FER1L6: variants seen among roughly 807,000 people sequenced by gnomAD.
The protein encoded by FER1L6 is fer-1-like protein 6.
In FER1L6, 177 loss-of-function variants were observed where a neutral mutation model predicts 219.2. The observed-to-expected ratio is 0.81, with a 90% CI of 0.71 to 0.91. The LOEUF is 0.91. FER1L6 is among the 40% of genes least tolerant of loss of function. FER1L6 has a pLI of 0.00. For synonymous variants in FER1L6, 768 were observed against 824.3 expected, an observed-to-expected ratio of 0.93 and a Z score of 1.17; for missense variants, 2,153 against 2,259.9, an observed-to-expected ratio of 0.95 and a Z score of 0.96.
At chr8:124,030,445 T>A (rs1382856118) in intron 18 of FER1L6, among the ~76,000 whole-genome samples, 1 of 152,144 alleles carries the variant, frequency 6.6e-6, no homozygotes, top group Non-Finnish European at 1.5e-5. Context: ...AAGTTTACGA[T>A]CCTCTCCTTT....
At chr8:123,856,374 T>A (rs2130242278) in intron 1 of FER1L6, among the ~76,000 whole-genome samples, 1 of 136,350 alleles carries the variant, frequency 7.3e-6, no homozygotes, top group East Asian at 2.1e-4. Flanking sequence ...CATACTAACA[T>A]ATAGAACACA....
chr8:123,936,133 TGTCCCC>T (rs1813989589), intron 1 of FER1L6, among the ~76,000 whole-genome samples: 1 of 152,136 alleles, frequency 6.6e-6, no homozygotes, highest in Admixed American at 6.6e-5. Context: ...GTCAGATGCA[TGTCCCC>T]TGGGATCTGA....
At chr8:123,889,341 A>G (rs768666537) in intron 1 of FER1L6, among the ~76,000 whole-genome samples, 6 of 152,210 alleles carry the variant, frequency 3.9e-5, no homozygotes, top group Non-Finnish European at 7.4e-5. Context: ...ATAAATGAGT[A>G]AGTGCACTAG....
At chr8:124,049,152 A>G (rs1486339910) in intron 21 of FER1L6, among the ~76,000 whole-genome samples, 1 of 151,438 alleles carries the variant, frequency 6.6e-6, no homozygotes, top group Non-Finnish European at 1.5e-5. Context: ...GGTTTAAGTG[A>G]TTCTCCTGCC....
intron 1 of FER1L6, among the ~76,000 whole-genome samples, chr8:123,915,414 G>T (rs1813155281): frequency 6.6e-6 from 1 of 152,016 alleles, no homozygotes; most frequent in Non-Finnish European, 1.5e-5. Context: ...GACTCCACTG[G>T]TCTCTTTTCA....
At chr8:123,906,832 C>T (rs1812962784) in intron 1 of FER1L6, among the ~76,000 whole-genome samples, 1 of 151,554 alleles carries the variant, frequency 6.6e-6, no homozygotes, top group African/African-American at 2.4e-5. Flanking sequence ...AAAGATTGCT[C>T]ACACATCTGA....
intron 1 of FER1L6, among the ~76,000 whole-genome samples, chr8:123,869,896 A>G (rs995462650): frequency 6.6e-6 from 1 of 152,230 alleles, no homozygotes; most frequent in Middle Eastern, 3.2e-3. Flanking sequence ...ACAAATACAC[A>G]GAAAGAGTCA....
chr8:123,859,452 C>T (rs1816705869), intron 1 of FER1L6, among the ~76,000 whole-genome samples: 1 of 152,086 alleles, frequency 6.6e-6, no homozygotes, highest in Non-Finnish European at 1.5e-5. Flanking sequence ...TCCAGTCTAA[C>T]TGAAACTTTC....
At chr8:124,023,209 C>T (rs772498696) in intron 17 of FER1L6, among the ~76,000 whole-genome samples, 2 of 152,202 alleles carry the variant, frequency 1.3e-5, no homozygotes, top group Non-Finnish European at 2.9e-5. Flanking sequence ...GCCACTGCCG[C>T]CCAGCTGTAT....
At chr8:123,867,288 C>T (rs1197750917) in intron 1 of FER1L6, among the ~76,000 whole-genome samples, 1 of 152,216 alleles carries the variant, frequency 6.6e-6, no homozygotes, top group Non-Finnish European at 1.5e-5. Context: ...TTATCACTGG[C>T]ATTCCCTGGC....
At chr8:123,906,722 C>A (rs1315192165) in intron 1 of FER1L6, among the ~76,000 whole-genome samples, 2 of 151,580 alleles carry the variant, frequency 1.3e-5, no homozygotes, top group African/African-American at 2.4e-5. Flanking sequence ...ATTGCTTGAA[C>A]CTGGGAGGTG....
intron 12 of FER1L6, among the ~76,000 whole-genome samples, chr8:123,997,317 T>C (rs773821199): frequency 6.6e-6 from 1 of 152,140 alleles, no homozygotes; most frequent in Admixed American, 6.5e-5. Flanking sequence ...TGTTATTGTT[T>C]AGCACTTTGA....
chr8:123,952,917 A>G (rs1424159964), intron 1 of FER1L6, among the ~76,000 whole-genome samples: 2 of 152,212 alleles, frequency 1.3e-5, no homozygotes, highest in African/African-American at 4.8e-5. Context: ...CTATTTTAAT[A>G]TCACCCTGTG....
intron 5 of FER1L6, among the ~76,000 whole-genome samples, chr8:123,966,597 A>G (rs535382383): frequency 6.6e-6 from 1 of 152,258 alleles, no homozygotes; most frequent in East Asian, 1.9e-4. Context: ...TAGTCAATAA[A>G]TTGATTGAAT....
chr8:124,068,903 C>CT (rs1214045863), intron 28 of FER1L6, among the ~76,000 whole-genome samples: 1 of 149,658 alleles, frequency 6.7e-6, no homozygotes, highest in Non-Finnish European at 1.5e-5. Flanking sequence ...GTTACTATTT[C>CT]TTTTTAAAAA....
intron 15 of FER1L6, 162 bp downstream of exon 15, chr8:124,013,693 A>T (rs1586591366): frequency 2.2e-6 from 1 of 458,224 alleles, no homozygotes; most frequent in African/African-American, 2.0e-5. Context: ...CTTGTGGACT[A>T]ACTATTGCTT....
At chr8:123,911,636 C>T (rs1813048306) in intron 1 of FER1L6, among the ~76,000 whole-genome samples, 1 of 152,146 alleles carries the variant, frequency 6.6e-6, no homozygotes, top group East Asian at 1.9e-4. Context: ...TGCTGAAACA[C>T]AGGAGCTGCA....
chr8:123,933,902 T>G (rs1813882541), intron 1 of FER1L6, among the ~76,000 whole-genome samples: 1 of 152,230 alleles, frequency 6.6e-6, no homozygotes, highest in Admixed American at 6.5e-5. Context: ...TAAACACCTG[T>G]AGGCATTTTA....
chr8:124,036,304 G>C (rs951565700), intron 19 of FER1L6: 2 of 152,134 alleles, frequency 1.3e-5, no homozygotes, highest in Admixed American at 6.5e-5. Flanking sequence ...GAGAATACAA[G>C]GTTCTGGAAA....
Sources: gnomAD v4.1 joint callset for allele counts (sites outside exome capture counted in the v4.1 genomes callset) on GRCh38, gnomAD v4.1.1 for gene constraint, MANE v1.5 for transcripts, NCBI Gene and HGNC (gene_info 2026-07-23, HGNC 2026-07-21) for gene names.